TAF4B: variants seen among roughly 807,000 people sequenced by gnomAD.
The protein encoded by TAF4B is transcription initiation factor TFIID subunit 4B.
In TAF4B, 38 loss-of-function variants were observed where a neutral mutation model predicts 86.4. The observed-to-expected ratio is 0.44, with a 90% CI of 0.34 to 0.58. The LOEUF is 0.58. Among genes scored for constraint, TAF4B ranks in the 20% least tolerant of loss-of-function variants. The pLI is 0.02. For missense variants in TAF4B, 988 were observed against 1,027.6 expected (o/e 0.96, Z 0.53); for synonymous variants, 388 against 391.2 (o/e 0.99, Z 0.10).
At chr18:26,344,378 AG>A (rs1188821804) in intron 13 of TAF4B, among the ~76,000 whole-genome samples, 4 of 150,474 alleles carry the variant, frequency 2.7e-5, no homozygotes, top group Non-Finnish European at 4.5e-5. Flanking sequence ...TTAAAAAAAA[AG>A]GGAAAAAAAC....
chr18:26,256,135 C>T, intron 1 of TAF4B: 1 of 1,604,948 alleles, frequency 6.2e-7, no homozygotes, highest in African/African-American at 1.3e-5. Flanking sequence ...CCACATGATT[C>T]CAGTTTTTTT....
At chr18:26,246,958 T>C (rs944038682) in intron 1 of TAF4B, among the ~76,000 whole-genome samples, 2 of 151,292 alleles carry the variant, frequency 1.3e-5, no homozygotes, top group Non-Finnish European at 3.0e-5. Context: ...TGACCCCACC[T>C]GGGTTCAAGC....
intron 3 of TAF4B, among the ~76,000 whole-genome samples, chr18:26,271,318 A>G (rs1410099966): frequency 6.6e-6 from 1 of 152,218 alleles, no homozygotes; most frequent in Non-Finnish European, 1.5e-5. Flanking sequence ...AGTTTGGCCC[A>G]TTGTTAGATT....
intron 1 of TAF4B, among the ~76,000 whole-genome samples, chr18:26,264,172 C>A (rs2056207259): frequency 6.6e-6 from 1 of 152,184 alleles, no homozygotes; most frequent in African/African-American, 2.4e-5. Context: ...GGTGCAGTGG[C>A]TCACACCTGT....
chr18:26,247,254 A>T (rs1779172383), intron 1 of TAF4B, among the ~76,000 whole-genome samples: 2 of 152,370 alleles, frequency 1.3e-5, no homozygotes, highest in South Asian at 4.1e-4. Context: ...GAATAAGTAT[A>T]CAGAGTCTGC....
intron 14 of TAF4B, among the ~76,000 whole-genome samples, chr18:26,380,490 C>T (rs910386270): frequency 3.3e-5 from 5 of 152,160 alleles, no homozygotes; most frequent in African/African-American, 9.7e-5. Flanking sequence ...TGATTTTAGT[C>T]CTTTAAGTTT....
At position 26,326,129 on chromosome 18, in the gene TAF4B, A is replaced by G. The variant is rs372225383; in HGVS notation, c.2134-886A>G. On this transcript the variant is annotated intron_variant, in intron 11 of 14. Coordinates refer to ENST00000269142, the MANE Select transcript of TAF4B (RefSeq NM_005640.3). Reference sequence around the variant, plus strand: ...ATTACTGAGATGAATAGATGGCAAGATGTCTTAAACATTGATTAGAAAGCT... The same window carrying G: ...ATTACTGAGATGAATAGATGGCAAGGTGTCTTAAACATTGATTAGAAAGCT... 1.6e-4 allele frequency among the ~76,000 whole-genome samples: 25 copies of G among 152,280 alleles called. No individual in the cohort carries two copies. The South Asian group carries it at 2.3e-3, about 14-fold the overall frequency.
At chr18:26,362,517 TTTTA>T (rs1325667569) in intron 14 of TAF4B, among the ~76,000 whole-genome samples, 4 of 152,208 alleles carry the variant, frequency 2.6e-5, no homozygotes, top group Non-Finnish European at 4.4e-5. Flanking sequence ...TTTTAGGTGT[TTTTA>T]TTTATTATAT....
chr18:26,339,101 G>A (rs533584387), intron 13 of TAF4B, among the ~76,000 whole-genome samples: 49 of 152,174 alleles, frequency 3.2e-4, no homozygotes, highest in Middle Eastern at 6.8e-3. Flanking sequence ...TAATTCAAAC[G>A]TTTTATTTTC....
chr18:26,332,658 T>C (rs1376826479), intron 12 of TAF4B, among the ~76,000 whole-genome samples: 3 of 152,104 alleles, frequency 2.0e-5, no homozygotes, highest in Non-Finnish European at 2.9e-5. Context: ...GCCTCCTAAG[T>C]AGCTGGGATT....
chr18:26,252,683 A>C (rs1202154298), intron 1 of TAF4B, among the ~76,000 whole-genome samples: 2 of 152,090 alleles, frequency 1.3e-5, no homozygotes, highest in Non-Finnish European at 2.9e-5. Flanking sequence ...GTTATAGTAC[A>C]CAGTATTACA....
chr18:26,358,870 C>A (rs1404542986), intron 14 of TAF4B, among the ~76,000 whole-genome samples: 1 of 152,190 alleles, frequency 6.6e-6, no homozygotes, highest in Non-Finnish European at 1.5e-5. Flanking sequence ...TACTTTGAGG[C>A]AAACTTCCTA....
rs1282844493 is a variant in TAF4B at position 26,229,749 on chromosome 18, T to G, written c.343+2473T>G. ...AACTCCTGACCTCAAGTGATCAGCCTGCTTCGGTCTCTCAGAGTGCTGGGA... is the reference window on the plus strand; with the variant it reads ...AACTCCTGACCTCAAGTGATCAGCCGGCTTCGGTCTCTCAGAGTGCTGGGA... On this transcript the variant is annotated intron_variant, in intron 1 of 14. Coordinates refer to ENST00000269142, the MANE Select transcript of TAF4B (RefSeq NM_005640.3). 3.3e-5 allele frequency among the ~76,000 whole-genome samples: 5 copies of G among 152,116 alleles called. No homozygotes were observed. In the East Asian group the frequency reaches 9.6e-4, roughly 29 times the overall value.
At chr18:26,270,532 C>T (rs1318873400) in intron 3 of TAF4B, among the ~76,000 whole-genome samples, 1 of 152,094 alleles carries the variant, frequency 6.6e-6, no homozygotes, top group Non-Finnish European at 1.5e-5. Context: ...CCAGGCTGTT[C>T]TTGAACTCCT....
intron 13 of TAF4B, among the ~76,000 whole-genome samples, chr18:26,347,610 C>T (rs2057210501): frequency 6.6e-6 from 1 of 152,150 alleles, no homozygotes; most frequent in South Asian, 2.1e-4. Context: ...AGATTAAGTT[C>T]CCCATTTAAA....
intron 3 of TAF4B, among the ~76,000 whole-genome samples, chr18:26,273,614 C>T (rs1230560751): frequency 4.6e-5 from 7 of 152,112 alleles, no homozygotes; most frequent in African/African-American, 1.7e-4. Flanking sequence ...AGACTGGTCT[C>T]GAACTCCTGT....
At chr18:26,249,477 C>CA (rs111318895) in intron 1 of TAF4B, among the ~76,000 whole-genome samples, 17,338 of 138,688 alleles carry the variant, frequency 0.13, 1,022 homozygotes, top group African/African-American at 0.16. Context: ...CTCTCTCTCT[C>CA]AAAAAAAAAA....
chr18:26,319,674 C>CT (rs2056944678), intron 10 of TAF4B, among the ~76,000 whole-genome samples: 1 of 152,062 alleles, frequency 6.6e-6, no homozygotes, highest in African/African-American at 2.4e-5. Flanking sequence ...ACTGCAATTT[C>CT]CGCCTCCCAG....
chr18:26,267,648 A>C (rs1255747059), intron 3 of TAF4B, 25 bp downstream of exon 3: 3 of 1,513,488 alleles, frequency 2.0e-6, no homozygotes, highest in African/African-American at 1.4e-5. Context: ...CCATTCGTGC[A>C]CTTGTTGTTC....
Sources: allele counts gnomAD v4.1 joint callset (sites outside exome capture counted in the v4.1 genomes callset), GRCh38; gene constraint gnomAD v4.1.1; transcripts MANE v1.5; gene names NCBI Gene and HGNC (gene_info 2026-07-23, HGNC 2026-07-21).